The following SCMH1 variants were observed in gnomAD, a reference collection of about 807,000 sequenced individuals.
SCMH1 encodes the protein polycomb protein SCMH1.
SCMH1 carries 37 observed loss-of-function variants against 70.8 expected under a neutral mutation model. That is an observed-to-expected ratio of 0.52 (90% CI 0.40 to 0.69). SCMH1 has a LOEUF of 0.69. Ranked by LOEUF, SCMH1 falls within the 30% of genes least tolerant of loss-of-function variation. The pLI is 0.00. For synonymous variants in SCMH1, 292 were observed against 307.4 expected, an observed-to-expected ratio of 0.95 and a Z score of 0.52; for missense variants, 607 against 827.3, an observed-to-expected ratio of 0.73 and a Z score of 3.27.
intron 1 of SCMH1, among the ~76,000 whole-genome samples, chr1:41,191,414 T>C (rs1651692550): frequency 6.6e-6 from 1 of 152,232 alleles, no homozygotes; most frequent in Non-Finnish European, 1.5e-5. Flanking sequence ...GTAATCTTTA[T>C]AAAAATAAGT....
At chr1:41,221,753 G>GT (rs1396817329) in intron 1 of SCMH1, among the ~76,000 whole-genome samples, 1 of 151,594 alleles carries the variant, frequency 6.6e-6, no homozygotes, top group African/African-American at 2.4e-5. Context: ...TTAGCCAGGT[G>GT]TGGTGGCAGG....
intron 4 of SCMH1, among the ~76,000 whole-genome samples, chr1:41,155,226 A>G (rs979849258): frequency 6.6e-6 from 1 of 152,204 alleles, no homozygotes. Context: ...AGACTTAAAA[A>G]TGGCATTAAA....
At chr1:41,049,401 G>A (rs968786281) in intron 10 of SCMH1, among the ~76,000 whole-genome samples, 4 of 151,348 alleles carry the variant, frequency 2.6e-5, no homozygotes, top group African/African-American at 2.4e-5. Context: ...TGGGCCTTAG[G>A]GTCCCTTTGT....
chr1:41,089,240 A>G (rs1429863581), intron 8 of SCMH1, among the ~76,000 whole-genome samples: 4 of 152,194 alleles, frequency 2.6e-5, no homozygotes, highest in African/African-American at 7.2e-5. Context: ...ACAATTTCCC[A>G]CTTGAAAATC....
At chr1:41,051,809 T>C (rs1464921075) in intron 10 of SCMH1, among the ~76,000 whole-genome samples, 7 of 152,178 alleles carry the variant, frequency 4.6e-5, no homozygotes, top group Non-Finnish European at 2.9e-5. Flanking sequence ...TACAGTACGC[T>C]AAGGTTAATT....
intron 1 of SCMH1, among the ~76,000 whole-genome samples, chr1:41,217,290 AC>A (rs1333909481): frequency 1.3e-5 from 2 of 152,222 alleles, no homozygotes; most frequent in African/African-American, 4.8e-5. Context: ...CAAGTGATAA[AC>A]TTGGACATTT....
chr1:41,093,086 C>T (rs551891267), intron 8 of SCMH1, among the ~76,000 whole-genome samples: 13 of 150,984 alleles, frequency 8.6e-5, no homozygotes, highest in South Asian at 8.4e-4. Flanking sequence ...ATGTTTATTG[C>T]GGCACTATTC....
chr1:41,193,967 A>G (rs1481096491), intron 1 of SCMH1, among the ~76,000 whole-genome samples: 1 of 152,198 alleles, frequency 6.6e-6, no homozygotes, highest in Admixed American at 6.5e-5. Context: ...CTTGCATACT[A>G]CATGTCTACT....
intron 1 of SCMH1, among the ~76,000 whole-genome samples, chr1:41,201,948 T>C (rs1026959080): frequency 6.6e-6 from 1 of 152,216 alleles, no homozygotes; most frequent in Non-Finnish European, 1.5e-5. Context: ...AATCTTTGTA[T>C]GCAAGCACAG....
chr1:41,084,387 C>T (rs1180337068), intron 8 of SCMH1, among the ~76,000 whole-genome samples: 5 of 152,206 alleles, frequency 3.3e-5, no homozygotes, highest in Non-Finnish European at 1.5e-5. Flanking sequence ...TGCTCACCAT[C>T]ACTGGCCATC....
chr1:41,034,412 C>T (rs958377915), intron 13 of SCMH1, among the ~76,000 whole-genome samples: 2 of 151,790 alleles, frequency 1.3e-5, no homozygotes, highest in Non-Finnish European at 2.9e-5. Flanking sequence ...ACTGCAAACT[C>T]GGCCTCCTGG....
chr1:41,181,317 G>A (rs1225736445), intron 2 of SCMH1, among the ~76,000 whole-genome samples: 1 of 152,166 alleles, frequency 6.6e-6, no homozygotes, highest in Non-Finnish European at 1.5e-5. Context: ...AACACCAAAA[G>A]CAATGGCAAC....
exon 10 of SCMH1, chr1:41,070,615 G>A (rs774435057): frequency 1.2e-6 from 2 of 1,614,164 alleles, no homozygotes; most frequent in Non-Finnish European, 1.7e-6. Flanking sequence ...CTGCATGGCT[G>A]AGCTGGGGAT....
chr1:41,083,096 T>G (rs1206288424), intron 8 of SCMH1, among the ~76,000 whole-genome samples: 1 of 152,146 alleles, frequency 6.6e-6, no homozygotes, highest in Non-Finnish European at 1.5e-5. Context: ...ACCACTCCTA[T>G]TCAACATAGT....
intron 1 of SCMH1, among the ~76,000 whole-genome samples, chr1:41,234,099 T>C (rs1661833292): frequency 6.6e-6 from 1 of 152,156 alleles, no homozygotes; most frequent in African/African-American, 2.4e-5. Flanking sequence ...GCTTCTTTCA[T>C]CTCCTCACCC....
At chr1:41,092,976 G>T (rs1432152525) in intron 8 of SCMH1, among the ~76,000 whole-genome samples, 1 of 152,132 alleles carries the variant, frequency 6.6e-6, no homozygotes, top group Non-Finnish European at 1.5e-5. Flanking sequence ...GATTCCTCAA[G>T]GATCTAGAAC....
intron 12 of SCMH1, among the ~76,000 whole-genome samples, chr1:41,039,741 T>G (rs1558352843): frequency 6.6e-6 from 1 of 152,024 alleles, no homozygotes; most frequent in Non-Finnish European, 1.5e-5. Context: ...CCCAAAGTGT[T>G]GGGATCACAG....
intron 1 of SCMH1, among the ~76,000 whole-genome samples, chr1:41,233,017 C>T (rs763608561): frequency 6.6e-6 from 1 of 152,110 alleles, no homozygotes; most frequent in African/African-American, 2.4e-5. Flanking sequence ...TTTTGACCCT[C>T]GACAAACAAG....
chr1:41,183,614 C>A (rs1649401853), intron 2 of SCMH1, among the ~76,000 whole-genome samples: 2 of 151,904 alleles, frequency 1.3e-5, no homozygotes, highest in Admixed American at 1.3e-4. Context: ...TTAAGCCAAT[C>A]AGTATTCCTA....
Sources: gnomAD v4.1 joint callset for allele counts (sites outside exome capture counted in the v4.1 genomes callset) on GRCh38, gnomAD v4.1.1 for gene constraint, MANE v1.5 for transcripts, NCBI Gene and HGNC (gene_info 2026-07-23, HGNC 2026-07-21) for gene names.